Variants in CENPP observed in about 807,000 individuals in gnomAD.
The protein encoded by CENPP is centromere protein P.
CENPP carries 24 observed loss-of-function variants against 35.6 expected under a neutral mutation model. That is an observed-to-expected ratio of 0.67 (90% confidence interval 0.49 to 0.95). CENPP has a LOEUF of 0.95. Among genes scored for constraint, CENPP ranks in the 40% least tolerant of loss-of-function variants. The pLI is 0.00. For synonymous variants in CENPP, 120 were observed against 125.5 expected, an observed-to-expected ratio of 0.96 and a Z score of 0.29; for missense variants, 332 against 345.3, an observed-to-expected ratio of 0.96 and a Z score of 0.31.
At chr9:92,345,282 T>C (rs1841257895) in intron 3 of CENPP, among the ~76,000 whole-genome samples, 1 of 149,526 alleles carries the variant, frequency 6.7e-6, no homozygotes, top group Admixed American at 6.7e-5. Context: ...CAAACGAGAT[T>C]GAGACCATCC....
chr9:92,515,012 CTG>C lies in CENPP; in HGVS notation c.565-96300_565-96299del, dbSNP rs745475391. ...GATTCAGGGGTCTCTCTCTTTTGCT[CTG>C]TATCTTCTTCTTTCACTTCTTCATC... is the stretch of plus-strand genomic sequence containing the variant. On this transcript the variant is annotated intron_variant, in intron 5 of 7. Coordinates refer to ENST00000375587, the MANE Select transcript of CENPP (RefSeq NM_001012267.3). 53 of 1,614,030 alleles carry C rather than the reference CTG, an allele frequency of 3.3e-5. No homozygotes were observed. In the Admixed American group the frequency reaches 8.2e-4, roughly 25 times the overall value.
chr9:92,608,106 A>G (rs886925416), intron 5 of CENPP, among the ~76,000 whole-genome samples: 6 of 152,180 alleles, frequency 3.9e-5, no homozygotes, highest in Non-Finnish European at 8.8e-5. Flanking sequence ...AGCCACCCCT[A>G]TATCACCACC....
chr9:92,496,483 C>T, intron 5 of CENPP: 1 of 1,606,490 alleles, frequency 6.2e-7, no homozygotes, highest in Non-Finnish European at 8.5e-7. Context: ...GAAGAATGTT[C>T]CTAAGGAAAA....
chr9:92,393,156 C>T (rs1564295231), intron 5 of CENPP: 1 of 1,613,788 alleles, frequency 6.2e-7, no homozygotes, highest in South Asian at 1.1e-5. Flanking sequence ...AGGCTGATTC[C>T]TTTGGTAAGG....
chr9:92,592,280 C>A (rs1203371775), intron 5 of CENPP, among the ~76,000 whole-genome samples: 2 of 152,140 alleles, frequency 1.3e-5, no homozygotes, highest in Non-Finnish European at 2.9e-5. Context: ...GAGCATGAAG[C>A]CCCTTCACTC....
At chr9:92,591,038 C>T (rs1850651100) in intron 5 of CENPP, among the ~76,000 whole-genome samples, 1 of 152,136 alleles carries the variant, frequency 6.6e-6, no homozygotes, top group South Asian at 2.1e-4. Context: ...TAAACATTTC[C>T]ACTCATTGAA....
Position 92,613,181 on chromosome 9 carries a change from G to A in CENPP, c.*32G>A. ...AACAGTGAACGTGGAGGATGAAGATGCTGCGTGGAGGAACATGCAATTTTA... is the reference window on the plus strand; with the variant it reads ...AACAGTGAACGTGGAGGATGAAGATACTGCGTGGAGGAACATGCAATTTTA... On this transcript the variant is annotated 3_prime_UTR_variant, in exon 8 of 8. Transcript: ENST00000375587. 6.2e-7 allele frequency: 1 copy of A among 1,613,392 alleles called. No individual in the cohort carries two copies. The highest frequency in any genetic ancestry group is 8.5e-7 in the Non-Finnish European group (1 of 1,179,442).
At chr9:92,468,913 A>G (rs1262693980) in intron 5 of CENPP, among the ~76,000 whole-genome samples, 1 of 152,210 alleles carries the variant, frequency 6.6e-6, no homozygotes, top group African/African-American at 2.4e-5. Flanking sequence ...ATAAGTATGG[A>G]CTAAGTCCCT....
intron 5 of CENPP, among the ~76,000 whole-genome samples, chr9:92,594,013 T>C (rs376484120): frequency 3.9e-4 from 59 of 152,324 alleles, no homozygotes; most frequent in African/African-American, 1.4e-3. Flanking sequence ...GTTATAGTAG[T>C]GATGCAGCAA....
intron 5 of CENPP, among the ~76,000 whole-genome samples, chr9:92,383,263 CTT>C (rs1350475166): frequency 6.6e-6 from 1 of 152,058 alleles, no homozygotes; most frequent in Non-Finnish European, 1.5e-5. Flanking sequence ...AGTCTTCTAT[CTT>C]TATTCTTATT....
chr9:92,453,579 G>A (rs1005386186), intron 5 of CENPP, among the ~76,000 whole-genome samples: 1 of 152,166 alleles, frequency 6.6e-6, no homozygotes. Flanking sequence ...ATATTCTGTT[G>A]ATTTGGGGTG....
intron 5 of CENPP, among the ~76,000 whole-genome samples, chr9:92,387,053 G>GAAAAAAAAA (rs903436031): frequency 2.0e-5 from 1 of 50,170 alleles, no homozygotes; most frequent in African/African-American, 8.0e-5. Context: ...GTCTCAAAAA[G>GAAAAAAAAA]AAAAAAAAAA....
chr9:92,462,556 A>G (rs1421408267), intron 5 of CENPP, among the ~76,000 whole-genome samples: 1 of 152,180 alleles, frequency 6.6e-6, no homozygotes, highest in African/African-American at 2.4e-5. Flanking sequence ...GTCTTGATGA[A>G]ATATTTCCCT....
intron 5 of CENPP, among the ~76,000 whole-genome samples, chr9:92,558,404 G>T (rs1212120076): frequency 6.6e-6 from 1 of 152,106 alleles, no homozygotes; most frequent in East Asian, 1.9e-4. Context: ...AGTGATTATT[G>T]TCTTTCTTCT....
chr9:92,380,733 T>A (rs189418235), intron 5 of CENPP, among the ~76,000 whole-genome samples: 1 of 152,288 alleles, frequency 6.6e-6, no homozygotes, highest in Non-Finnish European at 1.5e-5. Context: ...CCAGAAAAAT[T>A]AAATATTTCT....
At chr9:92,582,628 GAA>G (rs746028139) in intron 5 of CENPP, among the ~76,000 whole-genome samples, 6 of 140,224 alleles carry the variant, frequency 4.3e-5, no homozygotes, top group Non-Finnish European at 3.1e-5. Flanking sequence ...GTCCTTTCTG[GAA>G]AAAAAAAAAA....
chr9:92,523,093 T>C (rs76005470), intron 5 of CENPP, among the ~76,000 whole-genome samples: 7 of 151,734 alleles, frequency 4.6e-5, no homozygotes, highest in Non-Finnish European at 8.8e-5. Flanking sequence ...TTTTTTTTTT[T>C]AAATAGAGAT....
intron 5 of CENPP, chr9:92,512,140 C>A (rs780113287): frequency 1.3e-6 from 2 of 1,594,048 alleles, no homozygotes; most frequent in African/African-American, 2.7e-5. Flanking sequence ...GGACACACAG[C>A]GGTTATGTTT....
chr9:92,391,033 G>C (rs1379210547), intron 5 of CENPP, among the ~76,000 whole-genome samples: 1 of 152,050 alleles, frequency 6.6e-6, no homozygotes, highest in Non-Finnish European at 1.5e-5. Flanking sequence ...GGGAGGCCAA[G>C]GTGGGCAGAT....
Sources: allele counts gnomAD v4.1 joint callset (sites outside exome capture counted in the v4.1 genomes callset), GRCh38; gene constraint gnomAD v4.1.1; transcripts MANE v1.5; gene names NCBI Gene and HGNC (gene_info 2026-07-23, HGNC 2026-07-21).